Variants in CHST11 observed in about 807,000 individuals in gnomAD.
CHST11 encodes the protein carbohydrate sulfotransferase 11, also known as C4S-1.
Under a neutral mutation model 30.4 loss-of-function variants are expected in CHST11, and 9 were observed. The ratio of observed to expected loss-of-function variants is 0.30; its 90% CI spans 0.18 to 0.52. The LOEUF (loss-of-function observed/expected upper bound fraction) is 0.52. Ranked by LOEUF, CHST11 falls within the 20% of genes least tolerant of loss-of-function variation. The probability of loss-of-function intolerance (pLI) is 0.97; values close to 1 mark genes in which losing one functional copy is unlikely to be tolerated. For missense variants in CHST11, 348 were observed against 460.6 expected, an observed-to-expected ratio of 0.76 and a Z score of 2.24; for synonymous variants, 152 against 187.8, an observed-to-expected ratio of 0.81 and a Z score of 1.56.
chr12:104,677,689 G>A (rs541837224), intron 2 of CHST11, among the ~76,000 whole-genome samples: 17 of 152,338 alleles, frequency 1.1e-4, no homozygotes, highest in African/African-American at 4.1e-4. Flanking sequence ...GCAGATTCAC[G>A]GAAGTTCAAA....
chr12:104,523,092 A>G (rs906646951), intron 1 of CHST11, among the ~76,000 whole-genome samples: 4 of 152,262 alleles, frequency 2.6e-5, no homozygotes, highest in African/African-American at 7.2e-5. Context: ...GGCAATCTTC[A>G]TAGTACTAAA....
chr12:104,589,819 G>T (rs1289144832), intron 1 of CHST11, among the ~76,000 whole-genome samples: 1 of 152,114 alleles, frequency 6.6e-6, no homozygotes, highest in African/African-American at 2.4e-5. Context: ...AGACCAGCGT[G>T]GTCAACATGG....
intron 1 of CHST11, among the ~76,000 whole-genome samples, chr12:104,519,870 G>T (rs1284227105): frequency 2.0e-5 from 3 of 152,198 alleles, no homozygotes; most frequent in African/African-American, 7.2e-5. Context: ...AACTGTTTCG[G>T]CAAAGCCTTC....
At chr12:104,550,369 A>G (rs577575309) in intron 1 of CHST11, among the ~76,000 whole-genome samples, 5 of 152,334 alleles carry the variant, frequency 3.3e-5, no homozygotes, top group Middle Eastern at 3.4e-3. Flanking sequence ...GCAGAATGGA[A>G]AATGTCCTGC....
intron 2 of CHST11, among the ~76,000 whole-genome samples, chr12:104,654,843 A>G (rs2136084131): frequency 6.6e-6 from 1 of 152,192 alleles, no homozygotes; most frequent in Non-Finnish European, 1.5e-5. Flanking sequence ...TCCACTGCCA[A>G]CATCCCCCTA....
intron 2 of CHST11, among the ~76,000 whole-genome samples, chr12:104,661,861 A>G (rs969099030): frequency 2.6e-5 from 4 of 152,128 alleles, no homozygotes; most frequent in African/African-American, 9.7e-5. Flanking sequence ...GAAGTTGGAG[A>G]TGACTAGTGT....
At chr12:104,586,720 C>A (rs914859414) in intron 1 of CHST11, among the ~76,000 whole-genome samples, 7 of 152,176 alleles carry the variant, frequency 4.6e-5, no homozygotes, top group African/African-American at 1.7e-4. Context: ...TCCAGGGAAA[C>A]TGCAGGGAGA....
At chr12:104,550,742 T>G (rs1182239767) in intron 1 of CHST11, among the ~76,000 whole-genome samples, 1 of 152,106 alleles carries the variant, frequency 6.6e-6, no homozygotes, top group Admixed American at 6.5e-5. Flanking sequence ...GAAATCACAG[T>G]GAAGAGCAAA....
At chr12:104,752,730 T>C (rs1485484575) in intron 2 of CHST11, among the ~76,000 whole-genome samples, 3 of 152,096 alleles carry the variant, frequency 2.0e-5, no homozygotes, top group Non-Finnish European at 4.4e-5. Flanking sequence ...GGTTTCGCCA[T>C]GTTGGCCAGG....
intron 2 of CHST11, among the ~76,000 whole-genome samples, 172 bp from the exon 3 acceptor site, chr12:104,756,777 C>T (rs2040479607): frequency 6.6e-6 from 1 of 152,074 alleles, no homozygotes; most frequent in Non-Finnish European, 1.5e-5. Flanking sequence ...GAACTTGTGG[C>T]CTCAAGCGAT....
chr12:104,679,669 C>T (rs1235668048), intron 2 of CHST11, among the ~76,000 whole-genome samples: 1 of 152,212 alleles, frequency 6.6e-6, no homozygotes, highest in African/African-American at 2.4e-5. Flanking sequence ...GCTGCAGGGA[C>T]AGCCAGCACT....
intron 2 of CHST11, among the ~76,000 whole-genome samples, chr12:104,677,777 G>A (rs1198628541): frequency 1.3e-5 from 2 of 152,224 alleles, no homozygotes; most frequent in East Asian, 3.9e-4. Flanking sequence ...AGATTCAATG[G>A]CAGAGGGCTA....
At chr12:104,472,368 A>G (rs1432516336) in intron 1 of CHST11, among the ~76,000 whole-genome samples, 1 of 151,460 alleles carries the variant, frequency 6.6e-6, no homozygotes, top group East Asian at 1.9e-4. Context: ...GTTAAATACA[A>G]GATATTGGCT....
intron 2 of CHST11, among the ~76,000 whole-genome samples, chr12:104,632,777 G>C (rs1168630482): frequency 6.6e-6 from 1 of 152,224 alleles, no homozygotes; most frequent in African/African-American, 2.4e-5. Context: ...TGCTCTGCAG[G>C]AGGCGCCCAC....
chr12:104,539,624 G>A (rs2038268650), intron 1 of CHST11, among the ~76,000 whole-genome samples: 1 of 152,164 alleles, frequency 6.6e-6, no homozygotes, highest in Admixed American at 6.5e-5. Flanking sequence ...TTGGCACTGA[G>A]GAGGGATGCA....
chr12:104,665,786 C>CAAA (rs1157799582), intron 2 of CHST11, among the ~76,000 whole-genome samples: 1 of 143,218 alleles, frequency 7.0e-6, no homozygotes, highest in Non-Finnish European at 1.5e-5. Flanking sequence ...TTTTTTCTTT[C>CAAA]CCTTTCTCTT....
intron 1 of CHST11, among the ~76,000 whole-genome samples, chr12:104,467,652 C>T (rs2037471971): frequency 6.6e-6 from 1 of 152,192 alleles, no homozygotes; most frequent in African/African-American, 2.4e-5. Context: ...TTATCATTCT[C>T]TGGCTTGAAT....
chr12:104,710,229 G>A (rs1169393187), intron 2 of CHST11, among the ~76,000 whole-genome samples: 1 of 152,174 alleles, frequency 6.6e-6, no homozygotes, highest in Non-Finnish European at 1.5e-5. Flanking sequence ...TTCATGTGAA[G>A]CCAAGCCCTT....
intron 1 of CHST11, among the ~76,000 whole-genome samples, chr12:104,599,807 C>G (rs1475707270): frequency 1.3e-5 from 2 of 152,098 alleles, no homozygotes; most frequent in Non-Finnish European, 2.9e-5. Flanking sequence ...AACTCTAGCC[C>G]AAGGGCCAAA....
Sources: gnomAD v4.1 joint callset for allele counts (sites outside exome capture counted in the v4.1 genomes callset) on GRCh38, gnomAD v4.1.1 for gene constraint, MANE v1.5 for transcripts, NCBI Gene and HGNC (gene_info 2026-07-23, HGNC 2026-07-21) for gene names.